Variants in CREBBP observed in about 807,000 individuals in gnomAD.
The protein encoded by CREBBP is CREB binding lysine acetyltransferase, also known as CREB-binding protein.
A neutral mutation model predicts 265.0 loss-of-function variants in CREBBP; 19 were observed. The observed-to-expected ratio is 0.07, with a 90% confidence interval of 0.05 to 0.11. The LOEUF (loss-of-function observed/expected upper bound fraction) is 0.11. Ranked by LOEUF, CREBBP falls within the 10% of genes least tolerant of loss-of-function variation. CREBBP has a pLI of 1.00. For missense variants in CREBBP, 2,525 were observed against 3,219.0 expected, an observed-to-expected ratio of 0.78 and a Z score of 5.22; for synonymous variants, 1,457 against 1,223.7, an observed-to-expected ratio of 1.19 and a Z score of -3.98.
At chr16:3,822,920 T>C (rs1342781428) in intron 2 of CREBBP, among the ~76,000 whole-genome samples, 2 of 152,024 alleles carry the variant, frequency 1.3e-5, no homozygotes, top group Admixed American at 6.5e-5. Flanking sequence ...TTCGAGAGAA[T>C]ACACAGGAAG....
chr16:3,823,672 T>C (rs2054183391), intron 2 of CREBBP, among the ~76,000 whole-genome samples: 1 of 152,180 alleles, frequency 6.6e-6, no homozygotes, highest in Non-Finnish European at 1.5e-5. Flanking sequence ...GTTTGAACTC[T>C]GGTTCAAAGT....
rs1340522599 is a variant in CREBBP at position 3,726,410 on chromosome 16, AGCCGCCC to A, written c.*1301_*1307del. ...CCTCGAATGTGTGGGGCCAACGCTG[AGCCGCCC>A]ACCTCAGTCGCCCACCTCAGTCTCC... On this transcript the variant is annotated 3_prime_UTR_variant, in exon 31 of 31. Coordinates refer to ENST00000262367, the MANE Select transcript of CREBBP (RefSeq NM_004380.3). 1.7e-5 allele frequency: 4 copies of A among 229,964 alleles called. No individual in the cohort carries two copies. The highest frequency in any genetic ancestry group is 3.4e-5 in the Non-Finnish European group (4 of 117,202). The allele number at this position is 229,964 out of a possible 1,614,324, so 14.2% of individuals were successfully genotyped here.
chr16:3,752,755 C>T (rs1382134625), intron 19 of CREBBP, among the ~76,000 whole-genome samples: 1 of 152,146 alleles, frequency 6.6e-6, no homozygotes, highest in Non-Finnish European at 1.5e-5. Context: ...GACTTGGGGG[C>T]AATCCAAGTT....
At chr16:3,864,251 G>A (rs904264666) in intron 1 of CREBBP, among the ~76,000 whole-genome samples, 1 of 152,200 alleles carries the variant, frequency 6.6e-6, no homozygotes, top group African/African-American at 2.4e-5. Context: ...GCATATTCCA[G>A]ACGTGAAAGC....
intron 4 of CREBBP, 123 bp from the exon 5 acceptor site, chr16:3,792,217 T>A: frequency 1.2e-6 from 1 of 852,608 alleles, no homozygotes. Context: ...TAACACAGTA[T>A]AGGCAGTCCT....
At chr16:3,837,631 T>TA (rs2054480848) in intron 2 of CREBBP, among the ~76,000 whole-genome samples, 3 of 149,946 alleles carry the variant, frequency 2.0e-5, no homozygotes, top group African/African-American at 7.3e-5. Context: ...ATAATAATAA[T>TA]AATAAATAAA....
At chr16:3,838,094 A>G (rs1016128604) in intron 2 of CREBBP, among the ~76,000 whole-genome samples, 3 of 152,132 alleles carry the variant, frequency 2.0e-5, no homozygotes, top group East Asian at 1.9e-4. Context: ...TCACCCTCCT[A>G]AAGTGCTGGG....
intron 1 of CREBBP, among the ~76,000 whole-genome samples, chr16:3,874,695 C>T (rs1046873316): frequency 6.6e-6 from 1 of 152,220 alleles, no homozygotes; most frequent in Admixed American, 6.5e-5. Flanking sequence ...GCCCCTCTCT[C>T]ACAGTGCCCA....
At chr16:3,813,750 T>C (rs1567333630) in intron 2 of CREBBP, among the ~76,000 whole-genome samples, 2 of 152,234 alleles carry the variant, frequency 1.3e-5, no homozygotes, top group Admixed American at 6.5e-5. Flanking sequence ...TGAGGCTGCG[T>C]AGATGCATTT....
At chr16:3,798,732 G>A (rs2053655194) in intron 3 of CREBBP, among the ~76,000 whole-genome samples, 1 of 152,186 alleles carries the variant, frequency 6.6e-6, no homozygotes. Context: ...ACATTGGTGT[G>A]GGAATGTAGA....
intron 2 of CREBBP, among the ~76,000 whole-genome samples, chr16:3,849,362 T>TAGCAG (rs776357932): frequency 1.3e-5 from 2 of 148,716 alleles, no homozygotes; most frequent in East Asian, 2.0e-4. Flanking sequence ...GGCCTTTCCC[T>TAGCAG]AGCAGAGCTC....
chr16:3,763,684 G>C (rs1179857878), intron 16 of CREBBP, among the ~76,000 whole-genome samples: 3 of 151,964 alleles, frequency 2.0e-5, no homozygotes, highest in Non-Finnish European at 4.4e-5. Context: ...GGCTGGTCTG[G>C]AACTCCTGAC....
chr16:3,841,340 T>C (rs2054562989), intron 2 of CREBBP, among the ~76,000 whole-genome samples: 1 of 151,274 alleles, frequency 6.6e-6, no homozygotes, highest in Non-Finnish European at 1.5e-5. Context: ...AAGTCACTTG[T>C]GGGTAAAGAA....
chr16:3,863,326 G>A (rs189544250), intron 1 of CREBBP, among the ~76,000 whole-genome samples: 11 of 152,270 alleles, frequency 7.2e-5, no homozygotes, highest in Non-Finnish European at 1.6e-4. Flanking sequence ...GACAGGGCCA[G>A]GCACAGTAGC....
At chr16:3,777,908 T>C (rs1596907269) in intron 10 of CREBBP, 103 bp downstream of exon 10, 4 of 1,362,496 alleles carry the variant, frequency 2.9e-6, no homozygotes, top group South Asian at 2.4e-5. Flanking sequence ...CTGCAGGGCA[T>C]GCATCAGATA....
rs528166643 is a variant in CREBBP at position 3,858,775 on chromosome 16, A to G, written c.86-7766T>C. ...ATCTTTCTCTTTAAGACTTTTTCCT[A>G]TTGCCCTCTTTACCTTTTAGGGGAC... On this transcript the variant is annotated intron_variant, in intron 1 of 30. Coordinates refer to ENST00000262367, the MANE Select transcript of CREBBP (RefSeq NM_004380.3). Among the ~76,000 whole-genome samples, 104 of 152,216 alleles carry G rather than the reference A, an allele frequency of 6.8e-4. 2 individuals carry two copies. Among genetic ancestry groups the G allele is most frequent in the African/African-American group, 2.4e-3 (98 of 41,534 alleles).
intron 3 of CREBBP, among the ~76,000 whole-genome samples, chr16:3,807,415 C>A (rs899397221): frequency 3.9e-5 from 6 of 152,170 alleles, no homozygotes; most frequent in African/African-American, 1.4e-4. Context: ...ATGTTTGACA[C>A]CTCATTTTTT....
chr16:3,850,847 T>G lies in CREBBP; in HGVS notation c.248A>C (p.Asn83Thr), dbSNP rs1241593773. The part of the protein sequence containing the change: ...LLRGGSGSSI[N>T]PGIGNVSASS... ...GGCGCTCACATTTCCTATTCCTGGG[T>G]TGATACTAGAGCCGCTGCCTCCTCG... is the stretch of plus-strand genomic sequence containing the variant. Residue 83 changes from asparagine to threonine, a missense_variant, in exon 2 of 31, where the codon AAC becomes ACC. Around this residue, in one of 19 missense-constraint regions of CREBBP, gnomAD observed 356 missense variants for 340.4 expected, o/e 1.05. Transcript: ENST00000262367. The G allele has an allele frequency of 3.1e-6, 5 of 1,614,068 alleles. No individual in the cohort carries two copies. Among genetic ancestry groups the G allele is most frequent in the Non-Finnish European group, 4.2e-6 (5 of 1,180,050 alleles).
At chr16:3,798,204 G>C (rs996679435) in intron 3 of CREBBP, among the ~76,000 whole-genome samples, 4 of 152,150 alleles carry the variant, frequency 2.6e-5, no homozygotes, top group African/African-American at 7.2e-5. Context: ...ACACTTCAAC[G>C]TAAGAGTGAC....
Sources: gnomAD v4.1 joint callset for allele counts (sites outside exome capture counted in the v4.1 genomes callset) on GRCh38, gnomAD v4.1.1 for gene constraint, gnomAD v4.1.1 regional missense constraint, MANE v1.5 for transcripts, NCBI Gene and HGNC (gene_info 2026-07-23, HGNC 2026-07-21) for gene names.